Variants in PLCB4 observed in about 807,000 individuals in gnomAD.
The protein encoded by PLCB4 is 1-phosphatidylinositol 4,5-bisphosphate phosphodiesterase beta-4.
A neutral mutation model predicts 178.8 loss-of-function variants in PLCB4; 77 were observed. The ratio of observed to expected loss-of-function variants is 0.43; its 90% CI spans 0.36 to 0.52. PLCB4 has a LOEUF of 0.52. Ranked by LOEUF, PLCB4 falls within the 20% of genes least tolerant of loss-of-function variation. PLCB4 has a pLI of 0.00. For missense variants in PLCB4, 1,024 were observed against 1,453.4 expected (o/e 0.70, Z 4.80); for synonymous variants, 496 against 490.8 (o/e 1.01, Z -0.14).
At chr20:9,427,615 T>G (rs1310873783) in intron 28 of PLCB4, among the ~76,000 whole-genome samples, 2 of 152,350 alleles carry the variant, frequency 1.3e-5, no homozygotes, top group Admixed American at 6.5e-5. Context: ...AACGCCACCG[T>G]AGATGGCATT....
intron 2 of PLCB4, among the ~76,000 whole-genome samples, chr20:9,105,052 T>C (rs2091311260): frequency 6.6e-6 from 1 of 152,090 alleles, no homozygotes; most frequent in Admixed American, 6.6e-5. Flanking sequence ...TTTAAAAAAA[T>C]GAGTGAATGA....
intron 3 of PLCB4, among the ~76,000 whole-genome samples, chr20:9,222,051 ATTTTAT>A (rs1181118156): frequency 1.5e-4 from 8 of 54,422 alleles, no homozygotes; most frequent in Admixed American, 1.2e-3. Flanking sequence ...ATTTTATTTT[ATTTTAT>A]TTTATTTTAT....
At chr20:9,321,318 A>G (rs751255002) in intron 4 of PLCB4, among the ~76,000 whole-genome samples, 10 of 152,218 alleles carry the variant, frequency 6.6e-5, no homozygotes, top group African/African-American at 1.2e-4. Context: ...TAAAGAGAAC[A>G]TACACAGGTC....
intron 7 of PLCB4, among the ~76,000 whole-genome samples, chr20:9,351,798 C>A (rs1169771723): frequency 6.6e-6 from 1 of 152,220 alleles, no homozygotes; most frequent in Non-Finnish European, 1.5e-5. Flanking sequence ...TGATCTCAGA[C>A]TAAGCAGGTA....
intron 2 of PLCB4, among the ~76,000 whole-genome samples, chr20:9,204,532 T>C (rs1480186965): frequency 6.6e-6 from 1 of 152,054 alleles, no homozygotes; most frequent in Non-Finnish European, 1.5e-5. Flanking sequence ...GCTATTTTTT[T>C]TTGTATTTTT....
intron 2 of PLCB4, among the ~76,000 whole-genome samples, chr20:9,190,358 T>C (rs764038435): frequency 2.0e-5 from 3 of 152,170 alleles, no homozygotes; most frequent in Non-Finnish European, 4.4e-5. Context: ...CACAAGATCT[T>C]ATAAGGTGCT....
intron 7 of PLCB4, among the ~76,000 whole-genome samples, chr20:9,361,071 G>T (rs1213984617): frequency 1.3e-5 from 2 of 152,184 alleles, no homozygotes; most frequent in Non-Finnish European, 2.9e-5. Flanking sequence ...TCCTTTGTTG[G>T]TGGGGGAAAA....
intron 2 of PLCB4, among the ~76,000 whole-genome samples, chr20:9,100,822 C>G (rs1018000090): frequency 3.4e-4 from 51 of 152,108 alleles, no homozygotes; most frequent in African/African-American, 1.2e-3. Context: ...AGCATATTGT[C>G]TCTTCCTCCT....
chr20:9,307,969 G>A (rs1269356844), intron 4 of PLCB4, 71 bp downstream of exon 4: 1 of 636,208 alleles, frequency 1.6e-6, no homozygotes, highest in African/African-American at 1.9e-5. Context: ...ACAGTATTGA[G>A]TAAATATTCT....
At chr20:9,397,892 G>C (rs1246257971) in intron 19 of PLCB4, among the ~76,000 whole-genome samples, 2 of 152,172 alleles carry the variant, frequency 1.3e-5, no homozygotes, top group Non-Finnish European at 2.9e-5. Context: ...GCTTAGGTTG[G>C]TGGTTCTCCC....
chr20:9,390,011 C>G, intron 16 of PLCB4, 53 bp downstream of exon 16: 1 of 884,588 alleles, frequency 1.1e-6, no homozygotes, highest in Non-Finnish European at 1.9e-6. Context: ...TTCCTAACCC[C>G]TAATGCCCAC....
chr20:9,247,010 A>G (rs1046626565), intron 3 of PLCB4, among the ~76,000 whole-genome samples: 8 of 152,224 alleles, frequency 5.3e-5, no homozygotes, highest in Middle Eastern at 3.2e-3. Flanking sequence ...AAAATAATAT[A>G]TAGCATTAGG....
chr20:9,401,999 T>C (rs548010598), intron 20 of PLCB4, among the ~76,000 whole-genome samples: 2 of 152,288 alleles, frequency 1.3e-5, no homozygotes, highest in South Asian at 4.1e-4. Flanking sequence ...CCCCCTAAAG[T>C]ACAGTAAGCA....
intron 8 of PLCB4, 44 bp from the exon 9 acceptor site, chr20:9,365,417 C>T: frequency 2.4e-6 from 3 of 1,243,760 alleles, no homozygotes; most frequent in South Asian, 1.3e-5. Context: ...GAAGCTGCTC[C>T]CTCTAAGAAA....
chr20:9,390,995 G>A (rs1237547679), intron 17 of PLCB4, among the ~76,000 whole-genome samples: 2 of 152,150 alleles, frequency 1.3e-5, no homozygotes, highest in East Asian at 3.9e-4. Context: ...TGCAGGGTCA[G>A]CCCTGAGCAT....
At chr20:9,438,645 G>T (rs2041928174) in intron 30 of PLCB4, among the ~76,000 whole-genome samples, 2 of 151,968 alleles carry the variant, frequency 1.3e-5, no homozygotes. Flanking sequence ...GAGGGACAGA[G>T]AAACAGAATA....
intron 30 of PLCB4, among the ~76,000 whole-genome samples, chr20:9,437,520 A>G (rs1277342657): frequency 6.6e-6 from 1 of 152,254 alleles, no homozygotes; most frequent in East Asian, 1.9e-4. Flanking sequence ...AGGTGGCATC[A>G]CAAAGAATCA....
intron 28 of PLCB4, among the ~76,000 whole-genome samples, chr20:9,424,382 A>G (rs528005888): frequency 6.6e-6 from 1 of 152,326 alleles, no homozygotes; most frequent in Admixed American, 6.5e-5. Flanking sequence ...AGAAAGTTCA[A>G]TTTCATAAAA....
At chr20:9,212,180 G>A (rs1458069700) in intron 2 of PLCB4, among the ~76,000 whole-genome samples, 1 of 152,200 alleles carries the variant, frequency 6.6e-6, no homozygotes, top group Non-Finnish European at 1.5e-5. Flanking sequence ...TTGCAAACTA[G>A]AGAACACCAA....
Sources: allele counts gnomAD v4.1 joint callset (sites outside exome capture counted in the v4.1 genomes callset), GRCh38; gene constraint gnomAD v4.1.1; transcripts MANE v1.5; gene names NCBI Gene and HGNC (gene_info 2026-07-23, HGNC 2026-07-21).